The following NTNG1 variants were observed in gnomAD, a reference collection of about 807,000 sequenced individuals.
The protein encoded by NTNG1 is netrin-G1.
Under a neutral mutation model 54.0 loss-of-function variants are expected in NTNG1, and 16 were observed. The observed-to-expected ratio is 0.30, with a 90% confidence interval of 0.20 to 0.45. The LOEUF is 0.45. Ranked by LOEUF, NTNG1 falls within the 20% of genes least tolerant of loss-of-function variation. NTNG1 has a pLI of 1.00. For missense variants in NTNG1, 530 were observed against 678.7 expected, an observed-to-expected ratio of 0.78 and a Z score of 2.43; for synonymous variants, 255 against 263.1, an observed-to-expected ratio of 0.97 and a Z score of 0.30.
At chr1:107,235,230 A>G (rs1661328159) in intron 2 of NTNG1, among the ~76,000 whole-genome samples, 2 of 152,178 alleles carry the variant, frequency 1.3e-5, no homozygotes, top group Non-Finnish European at 2.9e-5. Context: ...AGCCATCACT[A>G]TTGTTTTAAA....
intron 2 of NTNG1, among the ~76,000 whole-genome samples, chr1:107,248,303 G>A (rs557225631): frequency 2.0e-5 from 3 of 152,240 alleles, no homozygotes; most frequent in African/African-American, 4.8e-5. Context: ...TGATCACTTC[G>A]ATGATGGCAG....
intron 3 of NTNG1, among the ~76,000 whole-genome samples, chr1:107,341,439 G>A (rs1668890406): frequency 6.6e-6 from 1 of 152,022 alleles, no homozygotes; most frequent in Non-Finnish European, 1.5e-5. Flanking sequence ...AATTAAAACT[G>A]GGAATTACAA....
intron 5 of NTNG1, among the ~76,000 whole-genome samples, chr1:107,416,254 G>A (rs1168132133): frequency 2.0e-5 from 3 of 151,958 alleles, no homozygotes; most frequent in Non-Finnish European, 2.9e-5. Context: ...ATGGCTGCTG[G>A]TGGTTCTGAG....
At chr1:107,260,104 GTC>G (rs1241968604) in intron 2 of NTNG1, among the ~76,000 whole-genome samples, 8 of 152,196 alleles carry the variant, frequency 5.3e-5, no homozygotes, top group Non-Finnish European at 1.2e-4. Context: ...TTTTGGCCAT[GTC>G]TCTTCATGAT....
At chr1:107,268,621 G>T (rs891573242) in intron 2 of NTNG1, among the ~76,000 whole-genome samples, 6 of 151,412 alleles carry the variant, frequency 4.0e-5, no homozygotes, top group Admixed American at 4.0e-4. Flanking sequence ...ACTATATGTT[G>T]ATAAGCCCCA....
At chr1:107,294,252 A>G (rs1414639052) in intron 2 of NTNG1, among the ~76,000 whole-genome samples, 2 of 152,306 alleles carry the variant, frequency 1.3e-5, no homozygotes, top group Non-Finnish European at 1.5e-5. Flanking sequence ...GTGAGATATA[A>G]GTGCTTGAAT....
chr1:107,381,480 A>G (rs1229507698), intron 3 of NTNG1, among the ~76,000 whole-genome samples: 1 of 151,630 alleles, frequency 6.6e-6, no homozygotes, highest in Non-Finnish European at 1.5e-5. Context: ...TAGTGATATC[A>G]TTTCTCCATT....
intron 7 of NTNG1, among the ~76,000 whole-genome samples, chr1:107,469,052 ATGCCAC>A (rs1215714095): frequency 1.4e-5 from 2 of 146,260 alleles, no homozygotes; most frequent in Admixed American, 7.2e-5. Flanking sequence ...AGCCATTATC[ATGCCAC>A]TGCACTCCAG....
At chr1:107,307,811 C>A (rs948847144) in intron 2 of NTNG1, among the ~76,000 whole-genome samples, 2 of 152,160 alleles carry the variant, frequency 1.3e-5, no homozygotes, top group Non-Finnish European at 2.9e-5. Flanking sequence ...TAGCCCTGTT[C>A]TCACTTCTAC....
chr1:107,229,883 G>A (rs1660948847), intron 2 of NTNG1, among the ~76,000 whole-genome samples: 5 of 152,060 alleles, frequency 3.3e-5, no homozygotes, highest in Admixed American at 2.6e-4. Context: ...TCCTCTCTTG[G>A]AGGAAGGAAA....
chr1:107,161,182 AAC>A (rs906916914), intron 2 of NTNG1, among the ~76,000 whole-genome samples: 25 of 152,318 alleles, frequency 1.6e-4, no homozygotes, highest in Admixed American at 5.2e-4. Context: ...TGAACCGTTA[AAC>A]AGAGATATAT....
At chr1:107,354,757 G>C (rs1557926933) in intron 3 of NTNG1, among the ~76,000 whole-genome samples, 1 of 152,080 alleles carries the variant, frequency 6.6e-6, no homozygotes, top group Non-Finnish European at 1.5e-5. Flanking sequence ...ATTCCCACTT[G>C]TGGCCTGCAC....
At chr1:107,388,508 T>G (rs935544856) in intron 3 of NTNG1, among the ~76,000 whole-genome samples, 1 of 152,202 alleles carries the variant, frequency 6.6e-6, no homozygotes, top group Non-Finnish European at 1.5e-5. Flanking sequence ...TGCATGATCA[T>G]CTGTAATCAT....
rs185648981 is a variant in NTNG1, at chr1:107,465,420, G to A, written c.1391-15191G>A. Among the ~76,000 whole-genome samples the A allele has an allele frequency of 1.6e-4, 24 of 152,306 alleles. No homozygotes were observed. The East Asian group carries it at 4.6e-3, about 29-fold the overall frequency. On this transcript the variant is annotated intron_variant, in intron 7 of 7. Coordinates refer to ENST00000370068, the MANE Select transcript of NTNG1 (RefSeq NM_001113226.3). The stretch of plus-strand genomic sequence containing the variant: ...ACAATGGCCTGCCCTCAGAGTGCTT[G>A]TATTTTGGTTGAGGAGACAAGAAAT...
At chr1:107,294,299 C>T (rs1665805821) in intron 2 of NTNG1, among the ~76,000 whole-genome samples, 2 of 152,268 alleles carry the variant, frequency 1.3e-5, no homozygotes, top group South Asian at 4.1e-4. Context: ...CTAACTCATA[C>T]CAAAATTTGA....
intron 2 of NTNG1, among the ~76,000 whole-genome samples, chr1:107,266,909 T>C (rs1663782319): frequency 6.6e-6 from 1 of 152,176 alleles, no homozygotes; most frequent in South Asian, 2.1e-4. Flanking sequence ...GTGGGTCTCA[T>C]GTACAGATTT....
At chr1:107,285,314 T>A (rs1423739918) in intron 2 of NTNG1, among the ~76,000 whole-genome samples, 1 of 152,172 alleles carries the variant, frequency 6.6e-6, no homozygotes, top group Non-Finnish European at 1.5e-5. Flanking sequence ...AGATGTTGGA[T>A]TACATGGTTA....
intron 2 of NTNG1, among the ~76,000 whole-genome samples, chr1:107,189,395 A>G (rs1376320155): frequency 6.6e-6 from 1 of 150,450 alleles, no homozygotes; most frequent in Non-Finnish European, 1.5e-5. Flanking sequence ...AAGAAAATGA[A>G]GTTTTGGGAC....
chr1:107,249,296 A>G (rs1355384622), intron 2 of NTNG1, among the ~76,000 whole-genome samples: 1 of 151,980 alleles, frequency 6.6e-6, no homozygotes, highest in African/African-American at 2.4e-5. Context: ...GACCAGCCTC[A>G]ACATGGAGAA....
Sources: gnomAD v4.1 joint callset for allele counts (sites outside exome capture counted in the v4.1 genomes callset) on GRCh38, gnomAD v4.1.1 for gene constraint, MANE v1.5 for transcripts, NCBI Gene and HGNC (gene_info 2026-07-23, HGNC 2026-07-21) for gene names.